Variants in PALM observed in about 807,000 individuals in gnomAD.
PALM encodes the protein paralemmin-1.
Under a neutral mutation model 30.7 loss-of-function variants are expected in PALM, and 18 were observed. That is an observed-to-expected ratio of 0.59 (90% CI 0.41 to 0.87). The LOEUF (loss-of-function observed/expected upper bound fraction) is 0.87, where lower values mean the gene tolerates loss of function less well. PALM is among the 40% of genes least tolerant of loss of function. PALM has a pLI of 0.00. For missense variants in PALM, 529 were observed against 555.4 expected, an observed-to-expected ratio of 0.95 and a Z score of 0.48; for synonymous variants, 286 against 242.8, an observed-to-expected ratio of 1.18 and a Z score of -1.66.
intron 5 of PALM, among the ~76,000 whole-genome samples, chr19:732,181 C>T (rs1348526065): frequency 6.6e-6 from 1 of 152,168 alleles, no homozygotes; most frequent in Non-Finnish European, 1.5e-5. Context: ...CTCTGCTGTC[C>T]AGGCTGGGGT....
In PALM at chr19:737,435, G is replaced by A. The variant is rs1158705860; in HGVS notation, c.502+1357G>A. On this transcript the variant is annotated intron_variant, in intron 7 of 8. Transcript: ENST00000338448. ...CCTTCACCCAGAATGCCTTTCAAGC[G>A]CCTGCTGCATGCCAGGCATTGGGGG... is the stretch of plus-strand genomic sequence containing the variant. Among the ~76,000 whole-genome samples the A allele has an allele frequency of 3.3e-5, 5 of 152,228 alleles. No individual in the cohort carries two copies. The South Asian group carries it at 6.2e-4, about 19-fold the overall frequency.
intron 5 of PALM, 88 bp from the exon 6 acceptor site, chr19:734,085 T>C: frequency 7.9e-7 from 1 of 1,261,122 alleles, no homozygotes; most frequent in Non-Finnish European, 1.2e-6. Flanking sequence ...CACTGTGCCA[T>C]GCCCTCCCCA....
intron 4 of PALM, 144 bp downstream of exon 4, chr19:727,838 A>T: frequency 1.3e-6 from 1 of 744,230 alleles, no homozygotes; most frequent in Admixed American, 2.8e-5. Context: ...ACATGCTTTG[A>T]GGGGGACGCA....
intron 8 of PALM, among the ~76,000 whole-genome samples, chr19:744,368 C>G (rs992001092): frequency 6.8e-6 from 1 of 147,348 alleles, no homozygotes; most frequent in African/African-American, 2.5e-5. Flanking sequence ...CCACTGCACT[C>G]CAGCCTGGGC....
chr19:736,581 C>T (rs76810706), intron 7 of PALM, among the ~76,000 whole-genome samples: 5,705 of 152,258 alleles, frequency 0.037, 152 homozygotes, highest in East Asian at 0.067. Flanking sequence ...GAGTGCCACA[C>T]GGTGCTCAAG....
At position 709,505 on chromosome 19, in the gene PALM, C is replaced by T. The variant is rs2031998441; in HGVS notation, c.5+354C>T. ...TCGGCTCTCGGCCACCTGTGGGTGG[C>T]CCCGGGGAGATGGAGCGACCCCTCC... On this transcript the variant is annotated intron_variant, in intron 1 of 8. Transcript: ENST00000338448. This position sits in a 1 kb window ranked among gnomAD's most constrained non-coding sequence, Gnocchi z 4.3. Among the ~76,000 whole-genome samples, 1 of 151,992 alleles carries T rather than the reference C, an allele frequency of 6.6e-6. No homozygotes were observed. The highest frequency in any genetic ancestry group is 2.4e-5 in the African/African-American group (1 of 41,432).
At chr19:726,837 T>C (rs1005801496) in intron 2 of PALM, among the ~76,000 whole-genome samples, 171 bp from the exon 3 acceptor site, 1 of 152,114 alleles carries the variant, frequency 6.6e-6, no homozygotes, top group Non-Finnish European at 1.5e-5. Context: ...CTTGCGCTGC[T>C]GTCCCGGGCT....
At chr19:726,960 T>TGGGGGGGGGGGGGGGGGGG in intron 2 of PALM, 48 bp from the exon 3 acceptor site, 1 of 1,006,652 alleles carries the variant, frequency 9.9e-7, no homozygotes, top group Non-Finnish European at 1.4e-6. Flanking sequence ...TGGGGGGGTC[T>TGGGGGGGGGGGGGGGGGGG]CCGGGACCCC....
intron 6 of PALM, chr19:735,238 G>A (rs1180760687): frequency 1.3e-5 from 2 of 152,866 alleles, no homozygotes; most frequent in African/African-American, 6.1e-5. Context: ...CTGTGTGTCT[G>A]GGGGCCCAGG....
chr19:722,185 T>C (rs1425377215), intron 1 of PALM, among the ~76,000 whole-genome samples: 1 of 152,218 alleles, frequency 6.6e-6, no homozygotes, highest in Non-Finnish European at 1.5e-5. Context: ...CCCAAAGTGC[T>C]GGGATTACAG....
At chr19:729,248 C>T (rs868332668) in intron 4 of PALM, among the ~76,000 whole-genome samples, 1 of 151,142 alleles carries the variant, frequency 6.6e-6, no homozygotes, top group African/African-American at 2.4e-5. Flanking sequence ...ATTGCTTGAA[C>T]CCAGGAGGCG....
intron 4 of PALM, 32 bp downstream of exon 4, chr19:727,726 G>C: frequency 6.6e-7 from 1 of 1,519,412 alleles, no homozygotes; most frequent in South Asian, 1.3e-5. Flanking sequence ...CCACCGGGCT[G>C]GGTGGGGCCT....
intron 1 of PALM, among the ~76,000 whole-genome samples, chr19:714,848 G>A (rs979176910): frequency 3.3e-5 from 5 of 152,044 alleles, no homozygotes; most frequent in Non-Finnish European, 5.9e-5. Context: ...TAGAGACGGG[G>A]TCTCCCTGTG....
intron 6 of PALM, chr19:734,530 C>A (rs1599159182): frequency 6.4e-6 from 2 of 312,028 alleles, no homozygotes; most frequent in East Asian, 1.7e-4. Flanking sequence ...ACAGGGAGAC[C>A]CTGTCTCTGC....
chr19:723,121 G>C (rs1179450876), intron 1 of PALM, among the ~76,000 whole-genome samples: 3 of 151,852 alleles, frequency 2.0e-5, no homozygotes, highest in African/African-American at 7.3e-5. Context: ...CATTTTCTCT[G>C]CTGAACTGGG....
chr19:727,632 C>T lies in PALM; in HGVS notation c.207C>T (p.Asp69=), dbSNP rs963650162. ...TPSSASEGDE[D]LRRQMQDDEQ... ...CCTCGGCCTCAGAGGGGGATGAGGA[C>T]CTGAGGAGGCAGATGCAGGACGACG... is the stretch of plus-strand genomic sequence containing the variant. Residue 69 remains aspartate, a synonymous_variant, in exon 4 of 9, where the codon GAC becomes GAT. Coordinates refer to ENST00000338448, the MANE Select transcript of PALM (RefSeq NM_002579.3). 3 of 1,574,238 alleles carry T rather than the reference C, an allele frequency of 1.9e-6. No individual in the cohort carries two copies. The African/African-American group carries it at 4.0e-5, about 21-fold the overall frequency.
intron 2 of PALM, 105 bp from the exon 3 acceptor site, chr19:726,903 C>T (rs2144879815): frequency 1.4e-6 from 1 of 737,214 alleles, no homozygotes; most frequent in Non-Finnish European, 2.3e-6. Flanking sequence ...ACGAGGATCC[C>T]CGGACAGAGG....
chr19:739,638 G>A lies in PALM; in HGVS notation c.503-714G>A, dbSNP rs922688953. Among the ~76,000 whole-genome samples, 3 of 152,070 alleles carry A rather than the reference G, an allele frequency of 2.0e-5. No individual in the cohort carries two copies. In the East Asian group the frequency reaches 5.8e-4, roughly 29 times the overall value. On this transcript the variant is annotated intron_variant, in intron 7 of 8. Transcript: ENST00000338448. The stretch of plus-strand genomic sequence containing the variant: ...CATGACTGCAGTGAGCTGTGATCGT[G>A]CCGCTCCACTCCAGCCTGGCCAACA...
chr19:719,269 T>C (rs1271675402), intron 1 of PALM: 2 of 985,258 alleles, frequency 2.0e-6, no homozygotes, highest in Non-Finnish European at 1.2e-6. Flanking sequence ...GCGTAACCTC[T>C]CTGGGCCCTT....
Sources: gnomAD v4.1 joint callset for allele counts (sites outside exome capture counted in the v4.1 genomes callset) on GRCh38, gnomAD v4.1.1 for gene constraint, Gnocchi (gnomAD v3.1) non-coding constraint, MANE v1.5 for transcripts, NCBI Gene and HGNC (gene_info 2026-07-23, HGNC 2026-07-21) for gene names.